The following CSMD3 variants were observed in gnomAD, a reference collection of about 807,000 sequenced individuals.
CSMD3 encodes CUB and Sushi multiple domains 3.
CSMD3 carries 177 observed loss-of-function variants against 435.2 expected under a neutral mutation model. The observed-to-expected ratio is 0.41, with a 90% CI of 0.36 to 0.46. The LOEUF is 0.46. Ranked by LOEUF, CSMD3 falls within the 20% of genes least tolerant of loss-of-function variation. The pLI, the probability that CSMD3 is intolerant of heterozygous loss-of-function variation, is 0.34. For synonymous variants in CSMD3, 1,656 were observed against 1,520.5 expected, an observed-to-expected ratio of 1.09 and a Z score of -2.07; for missense variants, 4,265 against 4,504.6, an observed-to-expected ratio of 0.95 and a Z score of 1.52.
chr8:113,107,393 C>T (rs1042214705), intron 4 of CSMD3, among the ~76,000 whole-genome samples: 1 of 152,240 alleles, frequency 6.6e-6, no homozygotes, highest in African/African-American at 2.4e-5. Context: ...AGGTGCAAGC[C>T]ATCAGGCCCA....
At chr8:113,216,178 A>G (rs2092903322) in intron 3 of CSMD3, among the ~76,000 whole-genome samples, 1 of 151,910 alleles carries the variant, frequency 6.6e-6, no homozygotes, top group African/African-American at 2.4e-5. Flanking sequence ...CATAAGAAAT[A>G]ATTACATTAA....
intron 8 of CSMD3, among the ~76,000 whole-genome samples, chr8:112,951,588 T>C (rs995686197): frequency 6.6e-6 from 1 of 151,870 alleles, no homozygotes; most frequent in African/African-American, 2.4e-5. Context: ...TGTTGTTTTT[T>C]ATACTAAAAC....
chr8:112,525,997 TAC>T (rs1824917137), intron 27 of CSMD3, among the ~76,000 whole-genome samples: 1 of 149,246 alleles, frequency 6.7e-6, no homozygotes, highest in South Asian at 2.1e-4. Context: ...TTTAATATTG[TAC>T]AGTGTTTGAA....
chr8:113,418,896 C>A (rs535072665), intron 1 of CSMD3, among the ~76,000 whole-genome samples: 23 of 152,108 alleles, frequency 1.5e-4, no homozygotes, highest in Admixed American at 1.5e-3. Flanking sequence ...ACATCTGAAA[C>A]TTTCCAACAG....
At chr8:113,432,835 T>C (rs529332590) in intron 1 of CSMD3, among the ~76,000 whole-genome samples, 2 of 152,280 alleles carry the variant, frequency 1.3e-5, no homozygotes, top group South Asian at 2.1e-4. Flanking sequence ...ATTAAAGCGC[T>C]GTTACCCGCC....
chr8:112,993,669 A>G (rs1018584657), intron 6 of CSMD3, among the ~76,000 whole-genome samples: 7 of 151,852 alleles, frequency 4.6e-5, no homozygotes, highest in Non-Finnish European at 8.8e-5. Flanking sequence ...AAGAAAATAT[A>G]CAAAAGTAAA....
intron 1 of CSMD3, among the ~76,000 whole-genome samples, chr8:113,363,136 G>A (rs1000116150): frequency 2.0e-5 from 3 of 152,092 alleles, no homozygotes; most frequent in Non-Finnish European, 4.4e-5. Flanking sequence ...ACTCTCATAA[G>A]GTTAAGCCTA....
chr8:113,355,612 A>T (rs1588583404), intron 1 of CSMD3, among the ~76,000 whole-genome samples: 1 of 151,380 alleles, frequency 6.6e-6, no homozygotes, highest in East Asian at 2.0e-4. Context: ...ATTGAGGAAT[A>T]GAACTTCAAC....
intron 3 of CSMD3, among the ~76,000 whole-genome samples, chr8:113,195,814 T>C (rs192041893): frequency 0.042 from 5,608 of 133,300 alleles, 183 homozygotes; most frequent in African/African-American, 0.092. Flanking sequence ...TATATATATA[T>C]ACACACACAC....
intron 3 of CSMD3, among the ~76,000 whole-genome samples, chr8:113,263,219 G>T (rs757465986): frequency 6.6e-6 from 1 of 151,846 alleles, no homozygotes; most frequent in Non-Finnish European, 1.5e-5. Context: ...ATTGATAAGT[G>T]CCTTCAAAGA....
chr8:113,428,165 T>G (rs2094647153), intron 1 of CSMD3, among the ~76,000 whole-genome samples: 1 of 151,630 alleles, frequency 6.6e-6, no homozygotes, highest in Non-Finnish European at 1.5e-5. Flanking sequence ...TGTTGAAAAT[T>G]ACAAAACCAA....
chr8:112,564,445 C>T (rs920600004), intron 24 of CSMD3, among the ~76,000 whole-genome samples: 1 of 149,792 alleles, frequency 6.7e-6, no homozygotes. Flanking sequence ...GGGACTTGGT[C>T]GGGAAAACAG....
At chr8:113,227,550 G>A (rs1195792460) in intron 3 of CSMD3, among the ~76,000 whole-genome samples, 3 of 151,546 alleles carry the variant, frequency 2.0e-5, no homozygotes, top group Admixed American at 1.3e-4. Flanking sequence ...CATGTGTCAG[G>A]GGAGGTACCT....
At chr8:113,086,924 T>C (rs2089805175) in intron 5 of CSMD3, among the ~76,000 whole-genome samples, 1 of 152,204 alleles carries the variant, frequency 6.6e-6, no homozygotes, top group Admixed American at 6.5e-5. Flanking sequence ...TTTGTGTGTT[T>C]TCCAACAAGG....
intron 13 of CSMD3, among the ~76,000 whole-genome samples, chr8:112,717,169 A>T (rs1273809482): frequency 6.6e-6 from 1 of 152,112 alleles, no homozygotes; most frequent in Non-Finnish European, 1.5e-5. Flanking sequence ...CAATCTATTC[A>T]TCTGACAAAG....
At chr8:112,304,640 G>T (rs1223353609) in intron 52 of CSMD3, 81 bp downstream of exon 52, 4 of 1,003,742 alleles carry the variant, frequency 4.0e-6, no homozygotes, top group Non-Finnish European at 6.4e-6. Context: ...TTGATCTAAT[G>T]TGTTTATGAA....
intron 1 of CSMD3, among the ~76,000 whole-genome samples, chr8:113,325,049 C>T (rs535159780): frequency 6.6e-6 from 1 of 152,214 alleles, no homozygotes; most frequent in South Asian, 2.1e-4. Flanking sequence ...GCCTGTACCC[C>T]CATTGTATCT....
At chr8:112,901,428 C>T (rs2082106578) in intron 10 of CSMD3, among the ~76,000 whole-genome samples, 1 of 151,346 alleles carries the variant, frequency 6.6e-6, no homozygotes, top group East Asian at 2.0e-4. Context: ...AATAGTTAGG[C>T]TTTTACTACC....
intron 1 of CSMD3, among the ~76,000 whole-genome samples, chr8:113,401,550 C>T (rs149164613): frequency 1.1e-4 from 16 of 151,620 alleles, no homozygotes; most frequent in African/African-American, 3.9e-4. Flanking sequence ...ATCCAAATGC[C>T]AATGCCAACT....
Sources: allele counts gnomAD v4.1 joint callset (sites outside exome capture counted in the v4.1 genomes callset), GRCh38; gene constraint gnomAD v4.1.1; transcripts MANE v1.5; gene names NCBI Gene and HGNC (gene_info 2026-07-23, HGNC 2026-07-21).